Variants in SAMMSON observed in about 807,000 individuals in gnomAD.
The protein encoded by SAMMSON is long intergenic non-protein coding RNA 1212.
At chr3:70,128,946 G>A (rs951709418) in intron 4 of SAMMSON, among the ~76,000 whole-genome samples, 5 of 152,130 alleles carry the variant, frequency 3.3e-5, no homozygotes, top group Admixed American at 6.5e-5. Flanking sequence ...AATATTTCAC[G>A]GAGTAGGTAA....
intron 4 of SAMMSON, among the ~76,000 whole-genome samples, chr3:70,235,222 G>A (rs890600147): frequency 6.6e-6 from 1 of 152,052 alleles, no homozygotes; most frequent in Non-Finnish European, 1.5e-5. Context: ...ATCAACCGTC[G>A]TTCTCTTTCC....
chr3:70,294,388 C>T (rs1230417079), intron 7 of SAMMSON, among the ~76,000 whole-genome samples: 1 of 152,010 alleles, frequency 6.6e-6, no homozygotes, highest in Non-Finnish European at 1.5e-5. Flanking sequence ...TATAAGCATT[C>T]ACTGCTGACA....
At chr3:70,339,899 A>G (rs1043715835) in intron 7 of SAMMSON, among the ~76,000 whole-genome samples, 1 of 152,196 alleles carries the variant, frequency 6.6e-6, no homozygotes, top group African/African-American at 2.4e-5. Flanking sequence ...CCATCCCATT[A>G]CTGGGTATAT....
intron 4 of SAMMSON, among the ~76,000 whole-genome samples, chr3:70,101,727 C>G (rs1419657074): frequency 6.6e-6 from 1 of 152,148 alleles, no homozygotes. Flanking sequence ...TTTTGTCCCT[C>G]CAGTATCCCT....
At chr3:70,228,103 G>A (rs1417455656) in intron 4 of SAMMSON, among the ~76,000 whole-genome samples, 3 of 151,878 alleles carry the variant, frequency 2.0e-5, no homozygotes, top group South Asian at 2.1e-4. Flanking sequence ...AAAATAACAT[G>A]TACTAAATAG....
chr3:70,120,508 A>G (rs932173363), intron 4 of SAMMSON: 5 of 152,232 alleles, frequency 3.3e-5, no homozygotes, highest in Non-Finnish European at 7.3e-5. Context: ...CGCCATGATG[A>G]CAGAAGCTGC....
At chr3:70,228,269 A>G (rs1009665901) in intron 4 of SAMMSON, among the ~76,000 whole-genome samples, 5 of 152,060 alleles carry the variant, frequency 3.3e-5, no homozygotes, top group African/African-American at 7.2e-5. Flanking sequence ...AAAACATAAC[A>G]CTATATTATA....
downstream of SAMMSON, among the ~76,000 whole-genome samples, chr3:70,393,421 A>G (rs1386637656): frequency 1.3e-5 from 2 of 152,216 alleles, no homozygotes; most frequent in Non-Finnish European, 2.9e-5. Context: ...ACTACTTTTC[A>G]TAAAATCTCT....
At chr3:70,096,094 C>T (rs1448219540) in intron 4 of SAMMSON, 1 of 152,240 alleles carries the variant, frequency 6.6e-6, no homozygotes, top group African/African-American at 2.4e-5. Context: ...GAAGGCTCTT[C>T]CTCTAACCTC....
intron 2 of SAMMSON, among the ~76,000 whole-genome samples, chr3:70,408,214 A>T (rs183709900): frequency 2.0e-5 from 3 of 152,224 alleles, no homozygotes; most frequent in African/African-American, 7.2e-5. Context: ...AGGCGCTGCC[A>T]TGAAGACCTC....
At chr3:70,117,717 A>G (rs1158566946) in intron 4 of SAMMSON, among the ~76,000 whole-genome samples, 1 of 152,114 alleles carries the variant, frequency 6.6e-6, no homozygotes, top group Non-Finnish European at 1.5e-5. Context: ...TATCTTACCC[A>G]GGGCTTGTCC....
intron 4 of SAMMSON, among the ~76,000 whole-genome samples, chr3:70,073,681 C>A (rs1224218312): frequency 6.6e-6 from 1 of 151,310 alleles, no homozygotes; most frequent in Non-Finnish European, 1.5e-5. Flanking sequence ...CCTCTCTTTC[C>A]CTCTTGATCT....
chr3:70,413,433 G>A (rs1701237865), intron 2 of SAMMSON, among the ~76,000 whole-genome samples: 1 of 152,162 alleles, frequency 6.6e-6, no homozygotes, highest in African/African-American at 2.4e-5. Context: ...AGGACCAGGA[G>A]AAGGAAATCA....
At chr3:70,163,490 C>A (rs1045470338) in intron 4 of SAMMSON, among the ~76,000 whole-genome samples, 1 of 151,720 alleles carries the variant, frequency 6.6e-6, no homozygotes, top group African/African-American at 2.4e-5. Context: ...CAGTATAGTT[C>A]CCTTCCCCCT....
intron 4 of SAMMSON, among the ~76,000 whole-genome samples, chr3:70,109,302 C>T (rs1297785968): frequency 1.3e-5 from 2 of 150,406 alleles, no homozygotes; most frequent in African/African-American, 2.5e-5. Context: ...CTAGACTGGA[C>T]TCCTACCATT....
chr3:70,108,958 G>T (rs1208757601), intron 4 of SAMMSON, among the ~76,000 whole-genome samples: 2 of 152,072 alleles, frequency 1.3e-5, no homozygotes, highest in Non-Finnish European at 2.9e-5. Flanking sequence ...CAACTGGATG[G>T]CTAAAAATCA....
chr3:70,360,336 A>G (rs1466633392), intron 9 of SAMMSON, among the ~76,000 whole-genome samples: 1 of 152,190 alleles, frequency 6.6e-6, no homozygotes, highest in Non-Finnish European at 1.5e-5. Flanking sequence ...TTAAGTATAC[A>G]ATAAGGACGG....
At chr3:70,411,472 C>A (rs1393961455) in intron 2 of SAMMSON, among the ~76,000 whole-genome samples, 1 of 152,088 alleles carries the variant, frequency 6.6e-6, no homozygotes, top group Admixed American at 6.5e-5. Context: ...ACTATTTTTT[C>A]ATTGTTTATT....
At chr3:70,228,835 C>T (rs951056260) in intron 4 of SAMMSON, among the ~76,000 whole-genome samples, 2 of 151,468 alleles carry the variant, frequency 1.3e-5, no homozygotes, top group Admixed American at 1.3e-4. Context: ...CTCAAAATTC[C>T]TTAATTCCTT....
Sources: gnomAD v4.1 joint callset for allele counts (sites outside exome capture counted in the v4.1 genomes callset) on GRCh38, gnomAD v4.1.1 for gene constraint, MANE v1.5 for transcripts, NCBI Gene and HGNC (gene_info 2026-07-23, HGNC 2026-07-21) for gene names.